Variants in CUL5 observed in about 807,000 individuals in gnomAD.
CUL5 encodes the protein cullin-5.
In CUL5, 26 loss-of-function variants were observed where a neutral mutation model predicts 108.8. That is an observed-to-expected ratio of 0.24 (90% CI 0.18 to 0.33). The LOEUF (loss-of-function observed/expected upper bound fraction) is 0.33. CUL5 is among the 10% of genes least tolerant of loss of function. The pLI is 1.00. For missense variants in CUL5, 524 were observed against 909.2 expected, an observed-to-expected ratio of 0.58 and a Z score of 5.45; for synonymous variants, 334 against 298.0, an observed-to-expected ratio of 1.12 and a Z score of -1.25.
intron 13 of CUL5, among the ~76,000 whole-genome samples, chr11:108,093,363 G>A (rs1475988208): frequency 6.6e-6 from 1 of 152,110 alleles, no homozygotes; most frequent in Non-Finnish European, 1.5e-5. Flanking sequence ...ACTTCTTCTA[G>A]GGTATCTTAT....
At chr11:108,091,144 C>G (rs1250054541) in intron 13 of CUL5, among the ~76,000 whole-genome samples, 2 of 151,802 alleles carry the variant, frequency 1.3e-5, no homozygotes, top group African/African-American at 4.8e-5. Context: ...CTCTGTCTCC[C>G]AGATTCAAGC....
intron 15 of CUL5, 40 bp from the exon 16 acceptor site, chr11:108,095,490 C>T (rs1446530846): frequency 3.0e-6 from 4 of 1,320,982 alleles, no homozygotes; most frequent in East Asian, 5.0e-5. Flanking sequence ...AGAGAATCAT[C>T]ATGAGATTCT....
At chr11:108,050,395 GTC>G (rs1863184827) in intron 4 of CUL5, among the ~76,000 whole-genome samples, 1 of 148,962 alleles carries the variant, frequency 6.7e-6, no homozygotes, top group Non-Finnish European at 1.5e-5. Flanking sequence ...AAACTGGAGT[GTC>G]ACTCTGTCGC....
intron 1 of CUL5, among the ~76,000 whole-genome samples, chr11:108,014,155 A>G (rs541083171): frequency 1.3e-4 from 20 of 152,322 alleles, no homozygotes; most frequent in Non-Finnish European, 2.4e-4. Context: ...TGAAAATTTT[A>G]TGGAGAAAGT....
Position 108,081,161 on chromosome 11 carries a change from G to T in CUL5, c.1178+2921G>T, listed in dbSNP as rs368601660. ...AAATTAGCCAGGCGTGGTGGCTCAT[G>T]CCTGTGATCCCAGCTACTTGGGAGG... is the stretch of plus-strand genomic sequence containing the variant. On this transcript the variant is annotated intron_variant, in intron 11 of 18. Coordinates refer to ENST00000393094, the MANE Select transcript of CUL5 (RefSeq NM_003478.6). 8.4e-4 allele frequency among the ~76,000 whole-genome samples: 126 copies of T among 149,566 alleles called. 2 individuals carry two copies. Among genetic ancestry groups the T allele is most frequent in the Admixed American group, 5.2e-3 (78 of 15,058 alleles).
chr11:108,024,634 A>G (rs1375081714), intron 1 of CUL5, among the ~76,000 whole-genome samples: 2 of 152,210 alleles, frequency 1.3e-5, no homozygotes, highest in Non-Finnish European at 2.9e-5. Flanking sequence ...CAAATGCTGA[A>G]CTAAAATTTA....
intron 7 of CUL5, among the ~76,000 whole-genome samples, chr11:108,057,687 A>G (rs1863421310): frequency 6.6e-6 from 1 of 152,180 alleles, no homozygotes; most frequent in Non-Finnish European, 1.5e-5. Flanking sequence ...AGAAATTACA[A>G]CTATATGCAA....
intron 11 of CUL5, among the ~76,000 whole-genome samples, chr11:108,080,691 G>T (rs897565355): frequency 1.3e-5 from 2 of 152,150 alleles, no homozygotes; most frequent in Admixed American, 6.5e-5. Flanking sequence ...ACCATGCCTG[G>T]CCCTTTTGGC....
At chr11:108,043,094 G>T (rs908947030) in intron 2 of CUL5, among the ~76,000 whole-genome samples, 8 of 151,756 alleles carry the variant, frequency 5.3e-5, no homozygotes, top group Non-Finnish European at 1.0e-4. Context: ...GTTTTTAGAG[G>T]CAGGGCATTA....
rs1323293046 is a variant in CUL5, at chr11:108,106,454, A to G, written c.*2070A>G. ...CATTCATAGCAAAGTTTTTTATTAAATTTTATAAATTTTTAATAGCCAATT... is the reference window on the plus strand; with the variant it reads ...CATTCATAGCAAAGTTTTTTATTAAGTTTTATAAATTTTTAATAGCCAATT... On this transcript the variant is annotated 3_prime_UTR_variant, in exon 19 of 19. Coordinates refer to ENST00000393094, the MANE Select transcript of CUL5 (RefSeq NM_003478.6). 1 of 152,318 alleles carries G rather than the reference A, an allele frequency of 6.6e-6. No homozygotes were observed. Among genetic ancestry groups the G allele is most frequent in the Non-Finnish European group, 1.5e-5 (1 of 67,968 alleles). 9.4% of individuals were successfully genotyped at this position (152,318 alleles called of 1,614,324 possible).
intron 3 of CUL5, among the ~76,000 whole-genome samples, chr11:108,048,392 C>CGT (rs1165518884): frequency 6.6e-6 from 1 of 152,136 alleles, no homozygotes; most frequent in Non-Finnish European, 1.5e-5. Flanking sequence ...CTTATTAATG[C>CGT]AGCAGCAGTG....
At chr11:108,088,450 T>C in intron 11 of CUL5, 77 bp from the exon 12 acceptor site, 1 of 1,416,544 alleles carries the variant, frequency 7.1e-7, no homozygotes, top group Non-Finnish European at 9.6e-7. Flanking sequence ...AATTCGCTTG[T>C]GAATCATTGA....
chr11:108,076,974 C>T lies in CUL5; in HGVS notation c.1114-1202C>T, dbSNP rs1863955101. ...AGTTAACTTTGAAATATCTGTTAAA[C>T]ATCCATATGGTAATGTTGAGTCTGG... On this transcript the variant is annotated intron_variant, in intron 10 of 18. Coordinates refer to ENST00000393094, the MANE Select transcript of CUL5 (RefSeq NM_003478.6). Among the ~76,000 whole-genome samples the T allele has an allele frequency of 3.9e-5, 6 of 152,336 alleles. No individual in the cohort carries two copies. In the South Asian group the frequency reaches 1.2e-3, roughly 32 times the overall value.
In CUL5 at chr11:108,046,253, C is replaced by G; in HGVS notation, c.135-17C>G. On this transcript the variant is annotated splice_polypyrimidine_tract_variant and intron_variant, in intron 2 of 18. Transcript: ENST00000393094. ...TGTTTCATTATTAATGTTTGTTTACCTACTTTATATTCACAGGGATGTGCA... is the reference window on the plus strand; with the variant it reads ...TGTTTCATTATTAATGTTTGTTTACGTACTTTATATTCACAGGGATGTGCA... 1 of 1,529,478 alleles carries G rather than the reference C, an allele frequency of 6.5e-7. No homozygotes were observed. Among genetic ancestry groups the G allele is most frequent in the Non-Finnish European group, 9.0e-7 (1 of 1,114,330 alleles). The allele number at this position is 1,529,478 out of a possible 1,614,324, so 94.7% of individuals were successfully genotyped here. A position where few individuals can be genotyped will look rare whatever the true frequency, so the allele number is the denominator to read the frequency against.
At chr11:108,096,069 C>T (rs1864484025) in intron 16 of CUL5, among the ~76,000 whole-genome samples, 1 of 150,288 alleles carries the variant, frequency 6.7e-6, no homozygotes, top group Non-Finnish European at 1.5e-5. Flanking sequence ...ACACTCCAGC[C>T]CAGGCAACAG....
At chr11:108,028,916 T>C (rs1488581749) in intron 1 of CUL5, among the ~76,000 whole-genome samples, 2 of 152,240 alleles carry the variant, frequency 1.3e-5, no homozygotes, top group Non-Finnish European at 1.5e-5. Flanking sequence ...CCAAAGTCTT[T>C]ATAATGGCCT....
intron 7 of CUL5, among the ~76,000 whole-genome samples, chr11:108,068,903 A>G (rs1408991284): frequency 6.6e-6 from 1 of 152,106 alleles, no homozygotes; most frequent in African/African-American, 2.4e-5. Flanking sequence ...TACTACCATT[A>G]TACTGATCTT....
chr11:108,013,077 A>G (rs537420267), intron 1 of CUL5, among the ~76,000 whole-genome samples: 3 of 151,628 alleles, frequency 2.0e-5, no homozygotes, highest in East Asian at 1.9e-4. Flanking sequence ...AGTATTAGCA[A>G]CCTCCTGATT....
At chr11:108,057,457 A>G (rs1402246360) in intron 7 of CUL5, among the ~76,000 whole-genome samples, 1 of 152,240 alleles carries the variant, frequency 6.6e-6, no homozygotes, top group Non-Finnish European at 1.5e-5. Flanking sequence ...CATCACCAGT[A>G]GTAGGACATG....
Sources: gnomAD v4.1 joint callset for allele counts (sites outside exome capture counted in the v4.1 genomes callset) on GRCh38, gnomAD v4.1.1 for gene constraint, MANE v1.5 for transcripts, NCBI Gene and HGNC (gene_info 2026-07-23, HGNC 2026-07-21) for gene names.